The following ROGDI variants were observed in gnomAD, a reference collection of about 807,000 sequenced individuals.
ROGDI encodes the protein rogdi atypical leucine zipper, also known as protein rogdi homolog.
Under a neutral mutation model 43.1 loss-of-function variants are expected in ROGDI, and 46 were observed. The observed-to-expected ratio is 1.07, with a 90% CI of 0.84 to 1.37. The LOEUF (loss-of-function observed/expected upper bound fraction) is 1.37, where lower values mean the gene tolerates loss of function less well. ROGDI is among the 40% of genes most tolerant of loss of function. The pLI, the probability that ROGDI is intolerant of heterozygous loss-of-function variation, is 0.00. For missense variants in ROGDI, 518 were observed against 383.9 expected (o/e 1.35, Z -2.92); for synonymous variants, 243 against 162.0 (o/e 1.50, Z -3.80).
chr16:4,797,535 G>A (rs763217713), intron 10 of ROGDI, 34 bp from the exon 11 acceptor site: 75 of 1,287,776 alleles, frequency 5.8e-5, no homozygotes, highest in Non-Finnish European at 7.1e-5. Flanking sequence ...GGTTGCTGAA[G>A]GGGGATGGGG....
intron 5 of ROGDI, 119 bp from the exon 6 acceptor site, chr16:4,799,900 C>T (rs2141909610): frequency 4.1e-6 from 3 of 730,284 alleles, no homozygotes; most frequent in East Asian, 2.8e-5. Context: ...CCCTGTGCCC[C>T]AGAGGGCCAG....
intron 6 of ROGDI, among the ~76,000 whole-genome samples, chr16:4,799,178 G>A (rs986659536): frequency 1.3e-5 from 2 of 152,158 alleles, no homozygotes; most frequent in Non-Finnish European, 2.9e-5. Flanking sequence ...CCATTCAGCC[G>A]TGGCCATGAG....
Position 4,798,078 on chromosome 16 carries a change from G to C in ROGDI, c.638C>G (p.Ser213Cys). ...VYQLHALQPN[S>C]TKNFRPAGGA... Reference sequence around the variant, plus strand: ...GCAGGGGTCCCTCCTCACCTTGGTGGAGTTGGGCTGCAGGGCATGCAGCTG... The same window carrying C: ...GCAGGGGTCCCTCCTCACCTTGGTGCAGTTGGGCTGCAGGGCATGCAGCTG... Residue 213 changes from serine to cysteine, a missense_variant, in exon 8 of 11, where the codon TCC (serine) becomes TGC (cysteine). By Grantham distance (112) the Ser-to-Cys change is moderately radical. Transcript: ENST00000322048. The C allele has an allele frequency of 1.2e-6, 2 of 1,613,920 alleles. No individual in the cohort carries two copies. The highest frequency in any genetic ancestry group is 1.7e-6 in the Non-Finnish European group (2 of 1,179,892).
intron 7 of ROGDI, 79 bp from the exon 8 acceptor site, chr16:4,798,263 G>A: frequency 8.6e-7 from 1 of 1,160,724 alleles, no homozygotes; most frequent in Non-Finnish European, 1.3e-6. Flanking sequence ...AGTCACTCAT[G>A]GAGTCTGCAG....
rs561157067 is a variant in ROGDI, at chr16:4,800,242, C to T, written c.336+256G>A. On this transcript the variant is annotated intron_variant, in intron 5 of 10. Transcript: ENST00000322048. ...CAGAGGGCTTCTGAACCATCTCATC[C>T]AGCCAGCTGCTGTGGGGACTCCACA... Among the ~76,000 whole-genome samples the T allele has an allele frequency of 3.3e-5, 5 of 152,322 alleles. No individual in the cohort carries two copies. In the South Asian group the frequency reaches 1.0e-3, roughly 32 times the overall value.
At position 4,798,564 on chromosome 16, in the gene ROGDI, C is replaced by G. The variant is rs749657986; in HGVS notation, c.531+5G>C. On this transcript the variant is annotated splice_donor_5th_base_variant and intron_variant, in intron 7 of 10. Coordinates refer to ENST00000322048, the MANE Select transcript of ROGDI (RefSeq NM_024589.3). ...CCTGCAGCAGGGGCTGGCAGGGGCACTGACCGTGAGGCCGCTGGCGGCGAT... is the reference window on the plus strand; with the variant it reads ...CCTGCAGCAGGGGCTGGCAGGGGCAGTGACCGTGAGGCCGCTGGCGGCGAT... 24 of 1,548,222 alleles carry G rather than the reference C, an allele frequency of 1.6e-5. No homozygotes were observed. Among genetic ancestry groups the G allele is most frequent in the Non-Finnish European group, 2.1e-5 (24 of 1,152,264 alleles).
In ROGDI at chr16:4,801,490, A is replaced by C; in HGVS notation, c.200+13T>G. On this transcript the variant is annotated intron_variant, in intron 3 of 10. Coordinates refer to ENST00000322048, the MANE Select transcript of ROGDI (RefSeq NM_024589.3). ...GTACCCATTTCCCCGGTTTCCGCCT[A>C]GCCCAGGCTCACCCACAGCTGCCTA... The C allele has an allele frequency of 6.3e-7, 1 of 1,598,584 alleles. No homozygotes were observed. The highest frequency in any genetic ancestry group is 1.1e-5 in the South Asian group (1 of 88,762).
Position 4,801,525 on chromosome 16 carries a change from T to C in ROGDI, c.178A>G (p.Asn60Asp), listed in dbSNP as rs997016379. 1.5e-5 allele frequency: 24 copies of C among 1,606,940 alleles called. No homozygotes were observed. In the African/African-American group the frequency reaches 2.8e-4, roughly 19 times the overall value. ...CACCCACAGCTGCCTAGGATGAAGT[T>C]CTCTTGCTTGGCGGGCCCCTCAGTG... ...SGTEGPAKQE[N>D]FILGSCGTDQ... Residue 60 changes from asparagine (N) to aspartate (D), a missense_variant, in exon 3 of 11, where the codon AAC (asparagine) becomes GAC (aspartate). Asn to Asp is a conservative substitution (Grantham distance 23, BLOSUM62 1). Transcript: ENST00000322048.
intron 4 of ROGDI, 144 bp from the exon 5 acceptor site, chr16:4,800,722 C>T (rs1034899126): frequency 1.5e-6 from 1 of 646,186 alleles, no homozygotes; most frequent in Non-Finnish European, 2.7e-6. Flanking sequence ...CTCCCAATGC[C>T]TTGGCCGTTT....
rs546936996 is a variant in ROGDI at position 4,802,508 on chromosome 16, G to C, written c.45+19C>G. On this transcript the variant is annotated intron_variant, in intron 1 of 10. Transcript: ENST00000322048. ...GCCCCGCCGCCCCGCCGGCCCGCCC[G>C]CTGGCCCGCGCGCCTTACCAGCACC... 7.3e-4 allele frequency: 884 copies of C among 1,209,990 alleles called. 7 individuals carry two copies. The African/African-American group carries it at 0.013, about 17-fold the overall frequency. The allele number at this position is 1,209,990 out of a possible 1,614,324, so 75.0% of individuals were successfully genotyped here. A position where few individuals can be genotyped will look rare whatever the true frequency, so the allele number is the denominator to read the frequency against.
chr16:4,799,533 GA>G (rs2082692421), intron 6 of ROGDI, among the ~76,000 whole-genome samples, 152 bp downstream of exon 6: 1 of 152,112 alleles, frequency 6.6e-6, no homozygotes, highest in Non-Finnish European at 1.5e-5. Context: ...GCTTGCCCCT[GA>G]CCCCACAGGT....
In ROGDI at chr16:4,797,377, C is replaced by A; in HGVS notation, c.*83G>T. The A allele has an allele frequency of 7.9e-7, 1 of 1,269,800 alleles. No homozygotes were observed. Among genetic ancestry groups the A allele is most frequent in the Non-Finnish European group, 1.1e-6 (1 of 894,350 alleles). 78.7% of individuals were successfully genotyped at this position (1,269,800 alleles called of 1,614,324 possible). A position where few individuals can be genotyped will look rare whatever the true frequency, so the allele number is the denominator to read the frequency against. On this transcript the variant is annotated 3_prime_UTR_variant, in exon 11 of 11. Coordinates refer to ENST00000322048, the MANE Select transcript of ROGDI (RefSeq NM_024589.3). ...GATAGGGAGATAAATAGCAGCCTGG[C>A]GTTGGCACTGGCTGGTGCTCTGTGG...
rs1371856388 is a variant in ROGDI, at chr16:4,802,415, G to C, written c.84C>G (p.His28Gln). 2 of 1,533,838 alleles carry C rather than the reference G, an allele frequency of 1.3e-6. No individual in the cohort carries two copies. The highest frequency in any genetic ancestry group is 2.6e-5 in the East Asian group (1 of 38,772). ...TGTCCTGCAGCTGCTTCAACACAGC[G>C]TGCACCTCGTCGTGCAGCAGCCAGC... ...EFRWLLHDEV[H>Q]AVLKQLQDIL... The change falls in exon 2 of 11, where the codon CAC becomes CAG. Residue 28 changes from histidine to glutamine, a missense_variant. By Grantham distance (24) the His-to-Gln change is conservative. Coordinates refer to ENST00000322048, the MANE Select transcript of ROGDI (RefSeq NM_024589.3).
Position 4,797,378 on chromosome 16 carries a change from G to T in ROGDI, c.*82C>A. The T allele has an allele frequency of 7.7e-7, 1 of 1,301,566 alleles. No homozygotes were observed. Among genetic ancestry groups the T allele is most frequent in the South Asian group, 1.3e-5 (1 of 75,792 alleles). The allele number at this position is 1,301,566 out of a possible 1,614,324, so 80.6% of individuals were successfully genotyped here. A position where few individuals can be genotyped will look rare whatever the true frequency, so the allele number is the denominator to read the frequency against. ...ATAGGGAGATAAATAGCAGCCTGGC[G>T]TTGGCACTGGCTGGTGCTCTGTGGT... is the stretch of plus-strand genomic sequence containing the variant. On this transcript the variant is annotated 3_prime_UTR_variant, in exon 11 of 11. Coordinates refer to ENST00000322048, the MANE Select transcript of ROGDI (RefSeq NM_024589.3).
At chr16:4,798,295 G>C in intron 7 of ROGDI, 111 bp from the exon 8 acceptor site, 1 of 902,906 alleles carries the variant, frequency 1.1e-6, no homozygotes. Flanking sequence ...CCCCACCCCA[G>C]AGATGCTCTT....
intron 6 of ROGDI, among the ~76,000 whole-genome samples, chr16:4,799,377 A>T (rs115269493): frequency 8.9e-4 from 136 of 152,264 alleles, no homozygotes; most frequent in African/African-American, 3.1e-3. Flanking sequence ...GCAGAACTCA[A>T]GCATGAGGTC....
rs1313189569 is a variant in ROGDI at position 4,798,551 on chromosome 16, G to C, written c.531+18C>G. 6.6e-7 allele frequency: 1 copy of C among 1,526,086 alleles called. No individual in the cohort carries two copies. The highest frequency in any genetic ancestry group is 2.3e-5 in the East Asian group (1 of 42,862). 94.5% of individuals were successfully genotyped at this position (1,526,086 alleles called of 1,614,324 possible). ...GTGGGACCCCTCTCCTGCAGCAGGG[G>C]CTGGCAGGGGCACTGACCGTGAGGC... is the stretch of plus-strand genomic sequence containing the variant. On this transcript the variant is annotated intron_variant, in intron 7 of 10. Coordinates refer to ENST00000322048, the MANE Select transcript of ROGDI (RefSeq NM_024589.3).
Position 4,801,247 on chromosome 16 carries a change from G to C in ROGDI, c.255+20C>G, listed in dbSNP as rs758195573. 4.4e-6 allele frequency: 7 copies of C among 1,591,250 alleles called. No homozygotes were observed. Among genetic ancestry groups the C allele is most frequent in the Admixed American group, 1.7e-5 (1 of 58,186 alleles). On this transcript the variant is annotated intron_variant, in intron 4 of 10. Transcript: ENST00000322048. ...CTTCCCCATTGGCAGGATGGGAGGG[G>C]ACAGGGCCGGGGGACTCACCGCCTG...
intron 3 of ROGDI, 73 bp downstream of exon 3, chr16:4,801,430 G>C: frequency 6.4e-7 from 1 of 1,565,080 alleles, no homozygotes; most frequent in Non-Finnish European, 8.7e-7. Flanking sequence ...CTGGTCTGCA[G>C]GACAGGGCTA....
Sources: gnomAD v4.1 joint callset for allele counts (sites outside exome capture counted in the v4.1 genomes callset) on GRCh38, gnomAD v4.1.1 for gene constraint, MANE v1.5 for transcripts, NCBI Gene and HGNC (gene_info 2026-07-23, HGNC 2026-07-21) for gene names.